Variants in GSDME observed in about 807,000 individuals in gnomAD.
The protein encoded by GSDME is gasdermin E, also known as gasdermin-E.
GSDME carries 44 observed loss-of-function variants against 47.5 expected under a neutral mutation model. The ratio of observed to expected loss-of-function variants is 0.93; its 90% CI spans 0.73 to 1.19. GSDME has a LOEUF of 1.19. Ranked by LOEUF, GSDME falls within the 50% of genes most tolerant of loss-of-function variation. The probability of loss-of-function intolerance (pLI) is 0.00; values close to 1 mark genes in which losing one functional copy is unlikely to be tolerated. For synonymous variants in GSDME, 258 were observed against 252.8 expected, an observed-to-expected ratio of 1.02 and a Z score of -0.20; for missense variants, 663 against 604.2, an observed-to-expected ratio of 1.10 and a Z score of -1.02.
chr7:24,774,615 C>T, the GSDME span, among the ~76,000 whole-genome samples: 1 of 152,082 alleles, frequency 6.6e-6, no homozygotes, highest in African/African-American at 2.4e-5. Flanking sequence ...TCACTGCAAC[C>T]TCTGCCTCCC....
the GSDME span, among the ~76,000 whole-genome samples, chr7:24,765,177 C>A: frequency 6.6e-6 from 1 of 152,190 alleles, no homozygotes; most frequent in Non-Finnish European, 1.5e-5. Context: ...ATTAGCCTTA[C>A]ATTCTAGAAT....
rs913328905 is a variant in GSDME at position 24,715,437 on chromosome 7, A to G, written c.697+1817T>C. The G allele has an allele frequency of 3.0e-5, 14 of 470,730 alleles. No individual in the cohort carries two copies. In the Admixed American group the frequency reaches 3.3e-4, roughly 11 times the overall value. 29.2% of individuals were successfully genotyped at this position (470,730 alleles called of 1,614,324 possible). Reference sequence around the variant, plus strand: ...TTATCCCGTCACAATGTCTATGTCTATTGAATCATCACTTGTACATCTTGA... The same window carrying G: ...TTATCCCGTCACAATGTCTATGTCTGTTGAATCATCACTTGTACATCTTGA... On this transcript the variant is annotated intron_variant, in intron 5 of 9. Transcript: ENST00000645220.
At position 24,745,540 on chromosome 7, in the gene GSDME, A is replaced by G. The variant is rs895393424; in HGVS notation, c.212-786T>C. On this transcript the variant is annotated intron_variant, in intron 2 of 9. Transcript: ENST00000645220. This position sits in a 1 kb window ranked among gnomAD's most constrained non-coding sequence, Gnocchi z 4.4. ...TTTAAAATGATAAATGTCTGATCTC[A>G]TATCTGAACTGTCAGCCTTCTCACA... 1.3e-5 allele frequency among the ~76,000 whole-genome samples: 2 copies of G among 152,206 alleles called. No individual in the cohort carries two copies. Among genetic ancestry groups the G allele is most frequent in the Admixed American group, 6.5e-5 (1 of 15,284 alleles).
At chr7:24,791,448 G>C in the GSDME span, among the ~76,000 whole-genome samples, 1 of 152,208 alleles carries the variant, frequency 6.6e-6, no homozygotes, top group East Asian at 1.9e-4. The surrounding 1 kb of genome is among the most constrained non-coding windows in gnomAD (Gnocchi z 4.8). Context: ...TGTGCTGCTA[G>C]GAGGTGACAC....
Position 24,744,525 on chromosome 7 carries a change from T to A in GSDME, c.404+37A>T. 1 of 1,609,138 alleles carries A rather than the reference T, an allele frequency of 6.2e-7. No individual in the cohort carries two copies. The highest frequency in any genetic ancestry group is 2.2e-5 in the East Asian group (1 of 44,844). ...AACTGAATGACCTTTAAATGTGAGA[T>A]GTGTCAAAATCCAAAATGCCAAACA... is the stretch of plus-strand genomic sequence containing the variant. On this transcript the variant is annotated intron_variant, in intron 3 of 9. Coordinates refer to ENST00000645220, the MANE Select transcript of GSDME (RefSeq NM_001127453.2). The surrounding 1 kb of genome is among the most constrained non-coding windows in gnomAD (Gnocchi z 4.5).
At chr7:24,720,556 C>A (rs138130186) in intron 3 of GSDME, among the ~76,000 whole-genome samples, 12 of 152,240 alleles carry the variant, frequency 7.9e-5, no homozygotes, top group African/African-American at 2.6e-4. Flanking sequence ...ACGTGTCCAT[C>A]AACAGATGAA....
chr7:24,708,466 A>G (rs867785093), intron 6 of GSDME, among the ~76,000 whole-genome samples: 6 of 152,146 alleles, frequency 3.9e-5, no homozygotes, highest in African/African-American at 9.7e-5. Context: ...GAGAGAGAGA[A>G]AGAGGGAAGC....
chr7:24,756,376 C>T lies in GSDME; in HGVS notation c.-20+1020G>A, dbSNP rs1425453672. Among the ~76,000 whole-genome samples the T allele has an allele frequency of 1.3e-5, 2 of 152,186 alleles. No homozygotes were observed. The highest frequency in any genetic ancestry group is 4.8e-5 in the African/African-American group (2 of 41,438). ...ACCCTCTCTCAACAATAACAAAGAACCTAGCCAAGGGACCGTGGCTAGGGG... is the reference window on the plus strand; with the variant it reads ...ACCCTCTCTCAACAATAACAAAGAATCTAGCCAAGGGACCGTGGCTAGGGG... On this transcript the variant is annotated intron_variant, in intron 1 of 9. Coordinates refer to ENST00000645220, the MANE Select transcript of GSDME (RefSeq NM_001127453.2). The surrounding 1 kb of genome is among the most constrained non-coding windows in gnomAD (Gnocchi z 4.2).
chr7:24,701,501 G>C (rs1177954165), intron 9 of GSDME, among the ~76,000 whole-genome samples: 5 of 152,194 alleles, frequency 3.3e-5, no homozygotes, highest in Non-Finnish European at 7.3e-5. Flanking sequence ...CATGGGCTTG[G>C]CAGGATTTTC....
chr7:24,721,602 G>A lies in GSDME; in HGVS notation c.405-2384C>T, dbSNP rs565618148. Among the ~76,000 whole-genome samples, 15 of 152,282 alleles carry A rather than the reference G, an allele frequency of 9.9e-5. No homozygotes were observed. Among genetic ancestry groups the A allele is most frequent in the Middle Eastern group, 3.4e-3 (1 of 294 alleles). On this transcript the variant is annotated intron_variant, in intron 3 of 9. Coordinates refer to ENST00000645220, the MANE Select transcript of GSDME (RefSeq NM_001127453.2). This position sits in a 1 kb window ranked among gnomAD's most constrained non-coding sequence, Gnocchi z 4.1. The stretch of plus-strand genomic sequence containing the variant: ...ATGCAGTGAGCCATTAGGGTGTGCC[G>A]AGCACAGAGTTAAATGCCACACAAA...
Position 24,735,168 on chromosome 7 carries a change from C to T in GSDME, c.404+9394G>A, listed in dbSNP as rs972677044. Among the ~76,000 whole-genome samples the T allele has an allele frequency of 9.2e-5, 14 of 152,190 alleles. No individual in the cohort carries two copies. The highest frequency in any genetic ancestry group is 3.1e-4 in the African/African-American group (13 of 41,488). ...TATCTAAAGTGCTGAAGGAAAAAAACGTTTACACTAGAATAGTATATTCAG... is the reference window on the plus strand; with the variant it reads ...TATCTAAAGTGCTGAAGGAAAAAAATGTTTACACTAGAATAGTATATTCAG... On this transcript the variant is annotated intron_variant, in intron 3 of 9. Coordinates refer to ENST00000645220, the MANE Select transcript of GSDME (RefSeq NM_001127453.2). The surrounding 1 kb of genome is among the most constrained non-coding windows in gnomAD (Gnocchi z 4.4).
In GSDME at chr7:24,733,409, A is replaced by T. The variant is rs932584290; in HGVS notation, c.404+11153T>A. Among the ~76,000 whole-genome samples the T allele has an allele frequency of 6.6e-6, 1 of 152,118 alleles. No homozygotes were observed. The highest frequency in any genetic ancestry group is 1.5e-5 in the Non-Finnish European group (1 of 68,030). ...TTCTGCTTGAGAAAAGCAGAGAGAA[A>T]AGAGGACTTTGTCTTGCAGCTTGGG... On this transcript the variant is annotated intron_variant, in intron 3 of 9. Transcript: ENST00000645220. This position sits in a 1 kb window ranked among gnomAD's most constrained non-coding sequence, Gnocchi z 4.3.
the GSDME span, among the ~76,000 whole-genome samples, chr7:24,788,861 T>A: frequency 3.3e-5 from 5 of 152,204 alleles, no homozygotes; most frequent in Non-Finnish European, 4.4e-5. This position sits in a 1 kb window ranked among gnomAD's most constrained non-coding sequence, Gnocchi z 4.6. Flanking sequence ...GCAGATTTGA[T>A]TCAGTTCAAC....
chr7:24,724,292 G>T lies in GSDME; in HGVS notation c.405-5074C>A, dbSNP rs1789894693. 6.6e-6 allele frequency among the ~76,000 whole-genome samples: 1 copy of T among 152,136 alleles called. No homozygotes were observed. The highest frequency in any genetic ancestry group is 1.5e-5 in the Non-Finnish European group (1 of 68,036). ...CCCTGTGCTATCCACCCAGCTGGGG[G>T]ATAAAATGAATGGTTTATCACATAA... On this transcript the variant is annotated intron_variant, in intron 3 of 9. Coordinates refer to ENST00000645220, the MANE Select transcript of GSDME (RefSeq NM_001127453.2). This position sits in a 1 kb window ranked among gnomAD's most constrained non-coding sequence, Gnocchi z 4.8.
chr7:24,794,264 T>TTC, the GSDME span, among the ~76,000 whole-genome samples: 1 of 147,478 alleles, frequency 6.8e-6, no homozygotes, highest in South Asian at 2.2e-4. Flanking sequence ...GCCTCTTTTC[T>TTC]TCTCTCTCTC....
rs183495669 is a variant in GSDME, at chr7:24,698,863, C to A, written c.*163G>T. On this transcript the variant is annotated 3_prime_UTR_variant, in exon 10 of 10. Transcript: ENST00000645220. The stretch of plus-strand genomic sequence containing the variant: ...GATAAGGAAAACTGTTTAAAGAGTA[C>A]CTGGTGGCTAAAAGTCAGGTCATTC... 7.9e-5 allele frequency: 53 copies of A among 675,146 alleles called. No individual in the cohort carries two copies. The African/African-American group carries it at 9.3e-4, about 12-fold the overall frequency. 41.8% of individuals were successfully genotyped at this position (675,146 alleles called of 1,614,324 possible).
At chr7:24,710,114 T>C (rs573133413) in intron 6 of GSDME, 110 bp downstream of exon 6, 4 of 1,232,520 alleles carry the variant, frequency 3.2e-6, no homozygotes, top group South Asian at 2.4e-5. Context: ...TTCTCATATG[T>C]TTTCTGTGAG....
At position 24,708,333 on chromosome 7, in the gene GSDME, T is replaced by C. The variant is rs539355993; in HGVS notation, c.863-79A>G. The C allele has an allele frequency of 5.9e-6, 9 of 1,534,592 alleles. No homozygotes were observed. In the African/African-American group the frequency reaches 8.2e-5, roughly 14 times the overall value. On this transcript the variant is annotated intron_variant, in intron 6 of 9. Transcript: ENST00000645220. ...GTCGGACAGCAACTCCTGCTTTTTA[T>C]ACCTAATCGTCATCAGTTCTTTCAT...
intron 5 of GSDME, chr7:24,710,665 G>A (rs1402898983): frequency 9.6e-6 from 4 of 415,836 alleles, no homozygotes; most frequent in Non-Finnish European, 8.8e-6. Flanking sequence ...TTAAAACATT[G>A]GAAATATTAT....
Sources: gnomAD v4.1 joint callset for allele counts (sites outside exome capture counted in the v4.1 genomes callset) on GRCh38, gnomAD v4.1.1 for gene constraint, Gnocchi (gnomAD v3.1) non-coding constraint, MANE v1.5 for transcripts, NCBI Gene and HGNC (gene_info 2026-07-23, HGNC 2026-07-21) for gene names.